Variants in ARHGAP15 observed in about 807,000 individuals in gnomAD.
The protein encoded by ARHGAP15 is Rho GTPase activating protein 15, also known as rho GTPase-activating protein 15.
ARHGAP15 carries 51 observed loss-of-function variants against 63.7 expected under a neutral mutation model. The ratio of observed to expected loss-of-function variants is 0.80; its 90% CI spans 0.64 to 1.01. The LOEUF (loss-of-function observed/expected upper bound fraction) is 1.01, where lower values mean the gene tolerates loss of function less well. ARHGAP15 is among the 50% of genes least tolerant of loss of function. ARHGAP15 has a pLI of 0.00. For synonymous variants in ARHGAP15, 191 were observed against 193.8 expected, an observed-to-expected ratio of 0.99 and a Z score of 0.12; for missense variants, 560 against 564.6, an observed-to-expected ratio of 0.99 and a Z score of 0.08.
At chr2:143,342,942 A>ATG (rs950821139) in intron 6 of ARHGAP15, among the ~76,000 whole-genome samples, 11 of 152,024 alleles carry the variant, frequency 7.2e-5, no homozygotes, top group African/African-American at 1.2e-4. Context: ...AACCGCATAT[A>ATG]TGTGTGTGTG....
At chr2:143,414,621 T>A (rs183673996) in intron 6 of ARHGAP15, among the ~76,000 whole-genome samples, 2 of 152,270 alleles carry the variant, frequency 1.3e-5, no homozygotes, top group Admixed American at 1.3e-4. Context: ...CCATGTTATA[T>A]AAGGTCTTAC....
At chr2:143,212,797 A>G (rs752821776) in intron 3 of ARHGAP15, among the ~76,000 whole-genome samples, 8 of 152,200 alleles carry the variant, frequency 5.3e-5, no homozygotes, top group Non-Finnish European at 1.2e-4. Context: ...TCGGCACACT[A>G]TGAGGCTCCC....
intron 6 of ARHGAP15, among the ~76,000 whole-genome samples, chr2:143,409,607 A>G (rs941071156): frequency 6.6e-6 from 1 of 152,108 alleles, no homozygotes; most frequent in African/African-American, 2.4e-5. Flanking sequence ...CTGCATAACA[A>G]TGTTTTGATC....
At chr2:143,750,792 G>T (rs1357415558) in intron 13 of ARHGAP15, among the ~76,000 whole-genome samples, 1 of 152,184 alleles carries the variant, frequency 6.6e-6, no homozygotes, top group East Asian at 1.9e-4. Context: ...TTCCACAGAT[G>T]ATATTAATAT....
chr2:143,573,597 G>A (rs1049862256), intron 11 of ARHGAP15, among the ~76,000 whole-genome samples: 3 of 152,180 alleles, frequency 2.0e-5, no homozygotes, highest in Non-Finnish European at 2.9e-5. Flanking sequence ...ATAAGTGAAT[G>A]CACATTTAAA....
intron 13 of ARHGAP15, among the ~76,000 whole-genome samples, chr2:143,709,292 A>C (rs144688272): frequency 1.2e-4 from 18 of 152,358 alleles, no homozygotes; most frequent in Non-Finnish European, 2.2e-4. Flanking sequence ...TTATGTACAC[A>C]TTATGCATGC....
At chr2:143,190,090 T>C (rs903480281) in intron 2 of ARHGAP15, among the ~76,000 whole-genome samples, 4 of 152,224 alleles carry the variant, frequency 2.6e-5, no homozygotes, top group Admixed American at 1.3e-4. Context: ...GAGAGTGTTT[T>C]ATTTAGCACT....
rs567072623 is a variant in ARHGAP15, at chr2:143,638,117, G to A, written c.1138+13850G>A. On this transcript the variant is annotated intron_variant, in intron 12 of 13. Transcript: ENST00000295095. ...GCGATTCCTCAGGGATCTAGAACTG[G>A]AAATACCATTTGACCCAGCCATCCC... Among the ~76,000 whole-genome samples, 907 of 145,118 alleles carry A rather than the reference G, an allele frequency of 6.3e-3. 12 individuals carry two copies. The highest frequency in any genetic ancestry group is 0.022 in the African/African-American group (872 of 40,070).
chr2:143,188,427 G>A (rs918868418), intron 2 of ARHGAP15, among the ~76,000 whole-genome samples: 3 of 151,130 alleles, frequency 2.0e-5, no homozygotes, highest in Non-Finnish European at 2.9e-5. Context: ...TCTATCTTTT[G>A]GCCAAACACT....
chr2:143,661,974 G>A (rs1681821943), intron 12 of ARHGAP15, among the ~76,000 whole-genome samples: 1 of 152,186 alleles, frequency 6.6e-6, no homozygotes, highest in South Asian at 2.1e-4. Flanking sequence ...AAACTGCAAG[G>A]CGGCAGCGAG....
At chr2:143,638,171 A>T (rs1282739118) in intron 12 of ARHGAP15, among the ~76,000 whole-genome samples, 1 of 147,092 alleles carries the variant, frequency 6.8e-6, no homozygotes, top group African/African-American at 2.5e-5. Context: ...AAAGGACTAT[A>T]AATCATGCTG....
intron 10 of ARHGAP15, chr2:143,533,245 G>T (rs1009761376): frequency 6.6e-6 from 1 of 152,154 alleles, no homozygotes; most frequent in Admixed American, 6.5e-5. Flanking sequence ...TTTAACAAAT[G>T]TTGGCAGGTA....
intron 13 of ARHGAP15, 85 bp from the exon 14 acceptor site, chr2:143,767,904 G>A: frequency 7.7e-7 from 1 of 1,292,768 alleles, no homozygotes; most frequent in Non-Finnish European, 1.1e-6. Flanking sequence ...TTTCCTGAAT[G>A]AGAAACCTTT....
intron 2 of ARHGAP15, among the ~76,000 whole-genome samples, chr2:143,165,993 A>AAGGAAGGAAG (rs1558787689): frequency 8.6e-6 from 1 of 115,608 alleles, no homozygotes; most frequent in African/African-American, 3.2e-5. Flanking sequence ...AAAGAAAGAA[A>AAGGAAGGAAG]GAAAGAAAGA....
chr2:143,246,425 C>T (rs528334048), intron 5 of ARHGAP15, among the ~76,000 whole-genome samples: 2 of 151,688 alleles, frequency 1.3e-5, no homozygotes, highest in African/African-American at 4.8e-5. Context: ...CAGAACAAAC[C>T]ATTTCGTGGG....
intron 6 of ARHGAP15, among the ~76,000 whole-genome samples, chr2:143,281,234 T>C (rs139769817): frequency 1.1e-3 from 165 of 152,234 alleles, no homozygotes; most frequent in African/African-American, 3.9e-3. Flanking sequence ...CAATTTAAAA[T>C]GTGGAAAATA....
intron 10 of ARHGAP15, among the ~76,000 whole-genome samples, chr2:143,544,803 C>G (rs1445393911): frequency 6.6e-6 from 1 of 152,150 alleles, no homozygotes; most frequent in Admixed American, 6.5e-5. Context: ...TAACACAGGT[C>G]CATCTGCCAA....
At chr2:143,584,971 CT>C (rs1360648776) in intron 11 of ARHGAP15, among the ~76,000 whole-genome samples, 1 of 152,084 alleles carries the variant, frequency 6.6e-6, no homozygotes, top group Non-Finnish European at 1.5e-5. Flanking sequence ...ATGTATTTTA[CT>C]TTTTGCTGTT....
At chr2:143,451,704 A>C (rs1690415892) in intron 8 of ARHGAP15, among the ~76,000 whole-genome samples, 2 of 152,004 alleles carry the variant, frequency 1.3e-5, no homozygotes, top group Non-Finnish European at 2.9e-5. Flanking sequence ...TCATATGTTA[A>C]GATGTGCCCT....
Sources: allele counts gnomAD v4.1 joint callset (sites outside exome capture counted in the v4.1 genomes callset), GRCh38; gene constraint gnomAD v4.1.1; transcripts MANE v1.5; gene names NCBI Gene and HGNC (gene_info 2026-07-23, HGNC 2026-07-21).